CNTN4: variants seen among roughly 807,000 people sequenced by gnomAD.
CNTN4 encodes contactin 4.
CNTN4 carries 77 observed loss-of-function variants against 122.5 expected under a neutral mutation model. That is an observed-to-expected ratio of 0.63 (90% CI 0.52 to 0.76). The LOEUF (loss-of-function observed/expected upper bound fraction) is 0.76. Among genes scored for constraint, CNTN4 ranks in the 30% least tolerant of loss-of-function variants. The pLI is 0.00. For missense variants in CNTN4, 1,256 were observed against 1,259.1 expected (o/e 1.00, Z 0.04); for synonymous variants, 512 against 447.0 (o/e 1.15, Z -1.83).
At chr3:2,225,659 C>T (rs2039254498) in intron 2 of CNTN4, among the ~76,000 whole-genome samples, 1 of 152,178 alleles carries the variant, frequency 6.6e-6, no homozygotes, top group Admixed American at 6.5e-5. Context: ...ACAAGCACTC[C>T]ATTTAAAGTC....
At chr3:2,558,698 C>T (rs961085688) in intron 3 of CNTN4, among the ~76,000 whole-genome samples, 14 of 152,098 alleles carry the variant, frequency 9.2e-5, no homozygotes, top group Non-Finnish European at 1.8e-4. Context: ...TTCTTAATTT[C>T]CTAAATATGA....
In CNTN4 at chr3:2,129,403, A is replaced by G. The variant is rs191205526; in HGVS notation, c.-145+28764A>G. ...GAGAACCAGTAGTTTTGCATGGTGC[A>G]GGGATAGATAAGAAAGTTGTTTTCG... On this transcript the variant is annotated intron_variant, in intron 2 of 24. Coordinates refer to ENST00000418658, the MANE Select transcript of CNTN4 (RefSeq NM_175607.3). Among the ~76,000 whole-genome samples, 153 of 144,296 alleles carry G rather than the reference A, an allele frequency of 1.1e-3. 1 individual carries two copies. The highest frequency in any genetic ancestry group is 3.6e-3 in the African/African-American group (148 of 40,750). 94.7% of individuals were successfully genotyped at this position (144,296 alleles called of 152,430 possible).
At chr3:2,593,274 C>T (rs1210966900) in intron 4 of CNTN4, among the ~76,000 whole-genome samples, 1 of 152,126 alleles carries the variant, frequency 6.6e-6, no homozygotes, top group Admixed American at 6.5e-5. Context: ...GTCAGGATAG[C>T]GAAATCCCAC....
chr3:2,380,496 C>T (rs978242992), intron 3 of CNTN4, among the ~76,000 whole-genome samples: 10 of 152,168 alleles, frequency 6.6e-5, no homozygotes, highest in African/African-American at 1.2e-4. Flanking sequence ...TGAATAGTAA[C>T]GATGCTTACC....
At chr3:2,250,171 G>A (rs898931341) in intron 2 of CNTN4, among the ~76,000 whole-genome samples, 14 of 152,016 alleles carry the variant, frequency 9.2e-5, no homozygotes, top group African/African-American at 3.1e-4. Context: ...ATTCACTTCT[G>A]TGTGATCAAT....
chr3:2,770,603 A>C (rs2091055829), intron 6 of CNTN4, among the ~76,000 whole-genome samples: 1 of 152,236 alleles, frequency 6.6e-6, no homozygotes, highest in Admixed American at 6.5e-5. Context: ...CTACACATGC[A>C]TCACTGCACT....
At chr3:3,027,913 CAT>C (rs1411788601) in intron 15 of CNTN4, among the ~76,000 whole-genome samples, 1 of 152,148 alleles carries the variant, frequency 6.6e-6, no homozygotes, top group African/African-American at 2.4e-5. Context: ...ATTCATCTTT[CAT>C]ATGGAAAATG....
At chr3:2,865,856 G>C (rs1559596755) in intron 7 of CNTN4, among the ~76,000 whole-genome samples, 1 of 152,142 alleles carries the variant, frequency 6.6e-6, no homozygotes, top group Non-Finnish European at 1.5e-5. Flanking sequence ...ATAAAAGTTA[G>C]AACTTTCAAA....
intron 6 of CNTN4, among the ~76,000 whole-genome samples, chr3:2,782,298 G>A (rs967712109): frequency 1.3e-5 from 2 of 151,776 alleles, no homozygotes; most frequent in African/African-American, 4.8e-5. Context: ...TAGGTGGGGG[G>A]GGGCCTTAGA....
At chr3:2,997,907 G>T (rs1014934245) in intron 14 of CNTN4, among the ~76,000 whole-genome samples, 2 of 152,178 alleles carry the variant, frequency 1.3e-5, no homozygotes, top group Non-Finnish European at 2.9e-5. Context: ...TTGCTTTGAA[G>T]ATTTCCCAAA....
chr3:2,126,351 T>A (rs887576570), intron 2 of CNTN4, among the ~76,000 whole-genome samples: 5 of 152,194 alleles, frequency 3.3e-5, no homozygotes, highest in African/African-American at 9.7e-5. Context: ...GTGTCACAGA[T>A]TTCCTAGGAT....
At chr3:2,952,832 A>T (rs1353060370) in intron 13 of CNTN4, among the ~76,000 whole-genome samples, 3 of 152,170 alleles carry the variant, frequency 2.0e-5, no homozygotes, top group Non-Finnish European at 4.4e-5. Context: ...GGGAATTACC[A>T]AGCAGCTGTA....
intron 4 of CNTN4, among the ~76,000 whole-genome samples, chr3:2,653,708 A>T (rs1479706858): frequency 6.6e-6 from 1 of 152,132 alleles, no homozygotes; most frequent in East Asian, 1.9e-4. Flanking sequence ...GAGGGTTTGG[A>T]TAACAAGAAG....
chr3:2,236,309 C>A (rs2149577050), intron 2 of CNTN4, among the ~76,000 whole-genome samples: 1 of 152,290 alleles, frequency 6.6e-6, no homozygotes, highest in Non-Finnish European at 1.5e-5. Flanking sequence ...CCCACTGAAC[C>A]TCTCTTACTT....
intron 6 of CNTN4, among the ~76,000 whole-genome samples, chr3:2,798,657 G>A (rs1452963340): frequency 6.6e-6 from 1 of 151,982 alleles, no homozygotes; most frequent in Non-Finnish European, 1.5e-5. Context: ...CCATAGGCAC[G>A]CAACAAAACA....
rs71311707 is a variant in CNTN4, at chr3:2,551,421, A to G, written c.-88-19995A>G. On this transcript the variant is annotated intron_variant, in intron 3 of 24. Coordinates refer to ENST00000418658, the MANE Select transcript of CNTN4 (RefSeq NM_175607.3). ...ACACATGCACACACAAATACACACA[A>G]GATTTTCTTACGTTTATCCACATGA... 9.0e-3 allele frequency among the ~76,000 whole-genome samples: 1,373 copies of G among 152,230 alleles called. 11 individuals are homozygous for G. The highest frequency in any genetic ancestry group is 0.014 in the Non-Finnish European group (930 of 67,994).
intron 2 of CNTN4, among the ~76,000 whole-genome samples, chr3:2,287,539 G>C (rs2041946278): frequency 6.6e-6 from 1 of 151,556 alleles, no homozygotes; most frequent in African/African-American, 2.4e-5. Context: ...GGAGATCAAG[G>C]CTGCAGTGAG....
intron 3 of CNTN4, among the ~76,000 whole-genome samples, chr3:2,340,710 T>TATATATATATATATATATATATAGAG: frequency 1.6e-4 from 3 of 18,296 alleles, no homozygotes; most frequent in Non-Finnish European, 4.9e-4. Flanking sequence ...TATATATATA[T>TATATATATATATATATATATATAGAG]AGAGAGAGAG....
intron 11 of CNTN4, 114 bp downstream of exon 11, chr3:2,900,935 C>A: frequency 7.5e-7 from 1 of 1,335,304 alleles, no homozygotes; most frequent in Non-Finnish European, 1.1e-6. Context: ...TGCAATGAAA[C>A]AGCATTATGG....
Sources: allele counts gnomAD v4.1 joint callset (sites outside exome capture counted in the v4.1 genomes callset), GRCh38; gene constraint gnomAD v4.1.1; transcripts MANE v1.5; gene names NCBI Gene and HGNC (gene_info 2026-07-23, HGNC 2026-07-21).